SORCS2: variants seen among roughly 807,000 people sequenced by gnomAD.
SORCS2 encodes the protein VPS10 domain-containing receptor SorCS2.
In SORCS2, 100 loss-of-function variants were observed where a neutral mutation model predicts 141.6. That is an observed-to-expected ratio of 0.71 (90% CI 0.60 to 0.83). The LOEUF (loss-of-function observed/expected upper bound fraction) is 0.83, where lower values mean the gene tolerates loss of function less well. Ranked by LOEUF, SORCS2 falls within the 40% of genes least tolerant of loss-of-function variation. SORCS2 has a pLI of 0.00. For missense variants in SORCS2, 1,646 were observed against 1,560.2 expected, an observed-to-expected ratio of 1.05 and a Z score of -0.93; for synonymous variants, 789 against 676.9, an observed-to-expected ratio of 1.17 and a Z score of -2.57.
chr4:7,356,700 C>T (rs1251707441), intron 1 of SORCS2, among the ~76,000 whole-genome samples: 3 of 152,214 alleles, frequency 2.0e-5, no homozygotes, highest in Non-Finnish European at 4.4e-5. Flanking sequence ...GCAGCAGCCC[C>T]TCTCTGTGCT....
intron 2 of SORCS2, among the ~76,000 whole-genome samples, chr4:7,459,853 T>C (rs1296281636): frequency 1.3e-5 from 2 of 152,176 alleles, no homozygotes; most frequent in Non-Finnish European, 2.9e-5. Flanking sequence ...GCCATCCACT[T>C]TGGGGAGAAG....
intron 2 of SORCS2, among the ~76,000 whole-genome samples, chr4:7,507,171 T>A (rs1354426389): frequency 1.7e-5 from 2 of 120,038 alleles, no homozygotes; most frequent in East Asian, 3.7e-4. Flanking sequence ...TAAATTCTTT[T>A]TTATTATTAT....
At position 7,445,028 on chromosome 4, in the gene SORCS2, G is replaced by A. The variant is rs116000598; in HGVS notation, c.548+48673G>A. 4.2e-3 allele frequency among the ~76,000 whole-genome samples: 640 copies of A among 152,312 alleles called. 7 individuals carry two copies. Among genetic ancestry groups the A allele is most frequent in the African/African-American group, 0.015 (615 of 41,572 alleles). ...CCAGGGCGGGGAGCAGAGGGAGGGC[G>A]GGGAGGGATATAGGACTGGACCATT... is the stretch of plus-strand genomic sequence containing the variant. On this transcript the variant is annotated intron_variant, in intron 2 of 26. Transcript: ENST00000507866.
At chr4:7,548,020 T>A (rs539123143) in intron 3 of SORCS2, among the ~76,000 whole-genome samples, 1 of 152,330 alleles carries the variant, frequency 6.6e-6, no homozygotes, top group East Asian at 1.9e-4. Context: ...CCTGATTTCT[T>A]TCATCATGAG....
At position 7,676,115 on chromosome 4, in the gene SORCS2, G is replaced by C. The variant is rs778265671; in HGVS notation, c.1227G>C (p.Met409Ile). The change falls in exon 9 of 27, where the codon ATG (methionine) becomes ATC (isoleucine). Residue 409 changes from methionine to isoleucine, a missense_variant. Coordinates refer to ENST00000507866, the MANE Select transcript of SORCS2 (RefSeq NM_020777.3). The part of the protein sequence containing the change: ...VFVAVQEWYQ[M>I]DTYNLYQSDP... ...TGGCGGTGCAGGAGTGGTACCAGATGGACACCTACAACCTGTACCAGTCGG... is the reference window on the plus strand; with the variant it reads ...TGGCGGTGCAGGAGTGGTACCAGATCGACACCTACAACCTGTACCAGTCGG... 5 of 1,584,988 alleles carry C rather than the reference G, an allele frequency of 3.2e-6. No homozygotes were observed. The highest frequency in any genetic ancestry group is 4.3e-6 in the Non-Finnish European group (5 of 1,164,116).
At chr4:7,724,042 C>A (rs1200911639) in intron 19 of SORCS2, among the ~76,000 whole-genome samples, 159 bp downstream of exon 19, 1 of 152,100 alleles carries the variant, frequency 6.6e-6, no homozygotes. Flanking sequence ...GGCTCAAACC[C>A]GCACCCCTGA....
At chr4:7,404,035 A>T (rs144161339) in intron 2 of SORCS2, among the ~76,000 whole-genome samples, 127 of 136,408 alleles carry the variant, frequency 9.3e-4, no homozygotes, top group African/African-American at 3.3e-3. Context: ...ATGAGTGAGA[A>T]CATGTGGTAT....
intron 2 of SORCS2, among the ~76,000 whole-genome samples, chr4:7,425,324 G>C (rs940031263): frequency 3.3e-5 from 5 of 152,190 alleles, no homozygotes; most frequent in African/African-American, 1.2e-4. Flanking sequence ...GCCGCAGCCT[G>C]GGCAAGAGAC....
intron 1 of SORCS2, among the ~76,000 whole-genome samples, chr4:7,334,152 G>A (rs946827673): frequency 6.6e-6 from 1 of 152,114 alleles, no homozygotes; most frequent in African/African-American, 2.4e-5. Context: ...AAACGTCCAG[G>A]GTGCAGAGTT....
At chr4:7,592,682 C>T (rs1043522998) in intron 3 of SORCS2, among the ~76,000 whole-genome samples, 6 of 152,204 alleles carry the variant, frequency 3.9e-5, no homozygotes, top group Admixed American at 2.6e-4. Context: ...CTGTGCCAAC[C>T]CACTATGGAC....
At chr4:7,226,488 G>A (rs1443315693) in intron 1 of SORCS2, among the ~76,000 whole-genome samples, 2 of 152,278 alleles carry the variant, frequency 1.3e-5, no homozygotes, top group South Asian at 4.1e-4. Flanking sequence ...TGTGACGGCC[G>A]GGTGAGTGGG....
intron 1 of SORCS2, among the ~76,000 whole-genome samples, chr4:7,333,190 ACTGG>A (rs1719767697): frequency 6.6e-6 from 1 of 152,120 alleles, no homozygotes; most frequent in Non-Finnish European, 1.5e-5. Flanking sequence ...CCCATTTCTG[ACTGG>A]CTGAGTTTCG....
chr4:7,232,292 C>T lies in SORCS2; in HGVS notation c.480+39166C>T, dbSNP rs962041318. 6.6e-5 allele frequency among the ~76,000 whole-genome samples: 10 copies of T among 152,272 alleles called. 1 individual carries two copies. The South Asian group carries it at 1.9e-3, about 28-fold the overall frequency. On this transcript the variant is annotated intron_variant, in intron 1 of 26. Transcript: ENST00000507866. Reference sequence around the variant, plus strand: ...GAGGAAGGGGGACACCCCAGTGACCCTGTGGCCTTTTCCTGGGGAGGCTGC... The same window carrying T: ...GAGGAAGGGGGACACCCCAGTGACCTTGTGGCCTTTTCCTGGGGAGGCTGC...
intron 18 of SORCS2, 46 bp downstream of exon 18, chr4:7,718,229 G>C (rs983867742): frequency 1.5e-5 from 23 of 1,582,776 alleles, no homozygotes; most frequent in Admixed American, 1.3e-4. Context: ...TCGGGCAGGG[G>C]CGGCTCCAAC....
At chr4:7,458,450 G>A (rs73212543) in intron 2 of SORCS2, among the ~76,000 whole-genome samples, 44,132 of 151,902 alleles carry the variant, frequency 0.29, 7,128 homozygotes, top group East Asian at 0.66. Context: ...GAAGGATGTG[G>A]GGAAACCGTG....
At position 7,604,551 on chromosome 4, in the gene SORCS2, G is replaced by A. The variant is rs375377967; in HGVS notation, c.649-33777G>A. On this transcript the variant is annotated intron_variant, in intron 3 of 26. Coordinates refer to ENST00000507866, the MANE Select transcript of SORCS2 (RefSeq NM_020777.3). ...CCAGGATGGTCTCCATCCCCGCCTC[G>A]GCCTCCCAAAGTGCTGGGATTACAG... Among the ~76,000 whole-genome samples the A allele has an allele frequency of 2.8e-3, 428 of 152,232 alleles. 6 individuals are homozygous for A. The highest frequency in any genetic ancestry group is 9.4e-4 in the Non-Finnish European group (64 of 68,006).
intron 2 of SORCS2, among the ~76,000 whole-genome samples, chr4:7,519,286 T>C (rs913020102): frequency 7.9e-5 from 12 of 152,194 alleles, no homozygotes; most frequent in Non-Finnish European, 1.5e-4. Context: ...ACAAGAGCCA[T>C]TGCAAACATC....
chr4:7,678,089 C>T (rs1577065718), intron 9 of SORCS2, among the ~76,000 whole-genome samples: 1 of 152,220 alleles, frequency 6.6e-6, no homozygotes, highest in African/African-American at 2.4e-5. Flanking sequence ...GTACAACACG[C>T]ACCATTCACC....
chr4:7,613,027 C>T (rs938213677), intron 3 of SORCS2, among the ~76,000 whole-genome samples: 1 of 152,244 alleles, frequency 6.6e-6, no homozygotes, highest in Non-Finnish European at 1.5e-5. Flanking sequence ...CTCTCTCCAC[C>T]TCTTTCTGCG....
Sources: gnomAD v4.1 joint callset for allele counts (sites outside exome capture counted in the v4.1 genomes callset) on GRCh38, gnomAD v4.1.1 for gene constraint, MANE v1.5 for transcripts, NCBI Gene and HGNC (gene_info 2026-07-23, HGNC 2026-07-21) for gene names.